The following LIMK2 variants were observed in gnomAD, a reference collection of about 807,000 sequenced individuals.
The protein encoded by LIMK2 is LIM domain kinase 2.
LIMK2 carries 35 observed loss-of-function variants against 75.7 expected under a neutral mutation model. That is an observed-to-expected ratio of 0.46 (90% confidence interval 0.35 to 0.61). The LOEUF is 0.61. LIMK2 is among the 20% of genes least tolerant of loss of function. The pLI, the probability that LIMK2 is intolerant of heterozygous loss-of-function variation, is 0.00. For synonymous variants in LIMK2, 301 were observed against 319.2 expected (o/e 0.94, Z 0.61); for missense variants, 623 against 831.0 (o/e 0.75, Z 3.08).
chr22:31,217,923 A>G (rs1184690355), intron 1 of LIMK2, among the ~76,000 whole-genome samples: 1 of 152,248 alleles, frequency 6.6e-6, no homozygotes, highest in Non-Finnish European at 1.5e-5. Context: ...AGTACACACC[A>G]AGGGCCCCAG....
chr22:31,227,653 C>A (rs2123778748), intron 2 of LIMK2, among the ~76,000 whole-genome samples: 1 of 152,314 alleles, frequency 6.6e-6, no homozygotes, highest in African/African-American at 2.4e-5. Flanking sequence ...CTGGTCCTTT[C>A]ATTTTATAGC....
Position 31,262,591 on chromosome 22 carries a change from A to G in LIMK2, c.658-4A>G. On this transcript the variant is annotated splice_polypyrimidine_tract_variant and splice_region_variant and intron_variant, in intron 6 of 15. Coordinates refer to ENST00000331728, the MANE Select transcript of LIMK2 (RefSeq NM_005569.4). The surrounding 1 kb of genome is among the most constrained non-coding windows in gnomAD (Gnocchi z 5.0). Reference sequence around the variant, plus strand: ...TGGGAGCTTTATACTGCTCTTGGCCACAGGTGGAGGATGCAATTAGCCAGA... The same window carrying G: ...TGGGAGCTTTATACTGCTCTTGGCCGCAGGTGGAGGATGCAATTAGCCAGA... The G allele has an allele frequency of 6.2e-7, 1 of 1,608,410 alleles. No individual in the cohort carries two copies. Among genetic ancestry groups the G allele is most frequent in the Non-Finnish European group, 8.5e-7 (1 of 1,176,148 alleles).
In LIMK2 at chr22:31,271,245, T is replaced by A. The variant is rs766328831; in HGVS notation, c.1383+44T>A. 45 of 1,547,876 alleles carry A rather than the reference T, an allele frequency of 2.9e-5. No homozygotes were observed. The South Asian group carries it at 4.9e-4, about 17-fold the overall frequency. On this transcript the variant is annotated intron_variant, in intron 12 of 15. Coordinates refer to ENST00000331728, the MANE Select transcript of LIMK2 (RefSeq NM_005569.4). ...GGCCTGGCCTCCAGGGTCCTATCCT[T>A]CCTGGCTTCCTTGTCACAAAGGAGG...
chr22:31,262,061 C>T lies in LIMK2; in HGVS notation c.552-73C>T. The T allele has an allele frequency of 8.0e-7, 1 of 1,257,752 alleles. No homozygotes were observed. The highest frequency in any genetic ancestry group is 1.2e-6 in the Non-Finnish European group (1 of 857,672). 77.9% of individuals were successfully genotyped at this position (1,257,752 alleles called of 1,614,324 possible). A position where few individuals can be genotyped will look rare whatever the true frequency, so the allele number is the denominator to read the frequency against. ...GGTGGCCTGGGACCTGGTAAACCTT[C>T]CCTGCACAAGCAGAATTGGTCAAGC... On this transcript the variant is annotated intron_variant, in intron 5 of 15. Transcript: ENST00000331728. This position sits in a 1 kb window ranked among gnomAD's most constrained non-coding sequence, Gnocchi z 5.0.
At chr22:31,221,057 A>C (rs1195886116) in intron 1 of LIMK2, among the ~76,000 whole-genome samples, 2 of 152,220 alleles carry the variant, frequency 1.3e-5, no homozygotes, top group South Asian at 4.1e-4. Context: ...ATGCAAGTAC[A>C]TGAATAAAAG....
At chr22:31,247,967 C>CTGG (rs540008842) in intron 2 of LIMK2, among the ~76,000 whole-genome samples, 61 of 151,754 alleles carry the variant, frequency 4.0e-4, no homozygotes, top group African/African-American at 1.1e-3. Context: ...CAGCTCAGAG[C>CTGG]TAGGATGGCT....
intron 15 of LIMK2, chr22:31,276,972 A>G: frequency 6.2e-7 from 1 of 1,613,904 alleles, no homozygotes; most frequent in Non-Finnish European, 8.5e-7. Flanking sequence ...AGATCTCAGA[A>G]CTAGAGATTG....
chr22:31,275,240 T>C lies in LIMK2; in HGVS notation c.1704T>C (p.Val568=). The C allele has an allele frequency of 1.2e-6, 2 of 1,614,218 alleles. No homozygotes were observed. The highest frequency in any genetic ancestry group is 1.7e-6 in the Non-Finnish European group (2 of 1,180,036). The change falls in exon 15 of 16, where the codon GTT becomes GTC. Residue 568 remains valine (V), a synonymous_variant. Transcript: ENST00000331728. ...LNVKLFWEKF[V]PTDCPPAFFP... ...TGAAGCTTTTCTGGGAGAAGTTTGT[T>C]CCCACAGATTGTCCCCCGGCCTTCT...
intron 7 of LIMK2, among the ~76,000 whole-genome samples, chr22:31,264,163 A>C (rs1176525106): frequency 6.6e-6 from 1 of 152,148 alleles, no homozygotes; most frequent in Admixed American, 6.5e-5. Flanking sequence ...GAGGCAGGGC[A>C]ACAGAGGGCA....
chr22:31,272,906 TGGGGGATAA>T, intron 13 of LIMK2: 1 of 1,353,808 alleles, frequency 7.4e-7, no homozygotes, highest in South Asian at 2.0e-5. Flanking sequence ...TGTCCCATCA[TGGGGGATAA>T]GGTGAGTTCT....
rs1381969510 is a variant in LIMK2 at position 31,234,326 on chromosome 22, T to TAA, written c.116+8520_116+8521dup. On this transcript the variant is annotated intron_variant, in intron 2 of 15. Coordinates refer to ENST00000331728, the MANE Select transcript of LIMK2 (RefSeq NM_005569.4). The stretch of plus-strand genomic sequence containing the variant: ...TGCACCTGGCTGGAAGGAGTGATCT[T>TAA]AAAAAAAAAAAAAACAAAAAAAAAC... 4.0e-3 allele frequency among the ~76,000 whole-genome samples: 513 copies of TAA among 127,870 alleles called. 4 individuals carry two copies. The highest frequency in any genetic ancestry group is 0.014 in the South Asian group (51 of 3,704). The allele number at this position is 127,870 out of a possible 152,430, so 83.9% of individuals were successfully genotyped here.
intron 2 of LIMK2, among the ~76,000 whole-genome samples, chr22:31,244,125 G>A (rs78534579): frequency 0.037 from 5,604 of 152,292 alleles, 152 homozygotes; most frequent in South Asian, 0.085. Flanking sequence ...GAGGAGTAGG[G>A]GGAGAGGAGA....
intron 2 of LIMK2, chr22:31,248,587 G>A: frequency 1.2e-6 from 2 of 1,606,784 alleles, no homozygotes; most frequent in Non-Finnish European, 8.5e-7. Context: ...GGAGAGGTGA[G>A]CTCAGGGCAG....
Position 31,278,568 on chromosome 22 carries a change from C to G in LIMK2, c.*127C>G. 5 of 1,044,016 alleles carry G rather than the reference C, an allele frequency of 4.8e-6. No individual in the cohort carries two copies. The highest frequency in any genetic ancestry group is 6.7e-6 in the Non-Finnish European group (5 of 751,022). 64.7% of individuals were successfully genotyped at this position (1,044,016 alleles called of 1,614,324 possible). Reference sequence around the variant, plus strand: ...GCGGAATGTTTAGAAGCAGAACAAGCCATTCCTATTACCTCCCCAGGAGGC... The same window carrying G: ...GCGGAATGTTTAGAAGCAGAACAAGGCATTCCTATTACCTCCCCAGGAGGC... On this transcript the variant is annotated 3_prime_UTR_variant, in exon 16 of 16. Coordinates refer to ENST00000331728, the MANE Select transcript of LIMK2 (RefSeq NM_005569.4).
At chr22:31,216,579 C>T (rs1187786052) in intron 1 of LIMK2, among the ~76,000 whole-genome samples, 1 of 152,160 alleles carries the variant, frequency 6.6e-6, no homozygotes, top group Non-Finnish European at 1.5e-5. Flanking sequence ...ATGAAGAAGG[C>T]ACCAACCAAT....
intron 11 of LIMK2, among the ~76,000 whole-genome samples, chr22:31,269,065 T>TGTTTGTTTGTTTGTTTG (rs145490583): frequency 2.0e-5 from 3 of 147,010 alleles, no homozygotes; most frequent in Non-Finnish European, 4.4e-5. Flanking sequence ...TTTTTTTGTT[T>TGTTTGTTTGTTTGTTTG]TTTTTTCCTG....
intron 2 of LIMK2, among the ~76,000 whole-genome samples, chr22:31,231,153 A>G (rs1233197216): frequency 6.6e-6 from 1 of 152,138 alleles, no homozygotes; most frequent in Non-Finnish European, 1.5e-5. Context: ...TCTTAACCTC[A>G]CTGAGGCTCA....
At chr22:31,216,471 C>G (rs1206722525) in intron 1 of LIMK2, among the ~76,000 whole-genome samples, 1 of 152,016 alleles carries the variant, frequency 6.6e-6, no homozygotes, top group African/African-American at 2.4e-5. Flanking sequence ...ACAGTAGGCA[C>G]CGTAGGTTTA....
chr22:31,249,446 CCT>C (rs886503342), intron 2 of LIMK2, among the ~76,000 whole-genome samples: 7 of 152,120 alleles, frequency 4.6e-5, no homozygotes, highest in African/African-American at 1.4e-4. Flanking sequence ...CCTCCACGAG[CCT>C]CTCTCTGTGG....
Sources: allele counts gnomAD v4.1 joint callset (sites outside exome capture counted in the v4.1 genomes callset), GRCh38; gene constraint gnomAD v4.1.1; non-coding constraint Gnocchi (gnomAD v3.1); transcripts MANE v1.5; gene names NCBI Gene and HGNC (gene_info 2026-07-23, HGNC 2026-07-21).